The following PVT1 variants were observed in gnomAD, a reference collection of about 807,000 sequenced individuals.
PVT1 encodes Pvt1 oncogene, also known as CXCR4/PVT1 fusion.
rs534061641 is a variant in PVT1 at position 127,958,482 on chromosome 8, G to A, written n.783-30680G>A. ...CTCGAACTCCTGAGCTCAGGCATCCGCCTGCTTTGGCCTCCCAAAGTGCTG... is the reference window on the plus strand; with the variant it reads ...CTCGAACTCCTGAGCTCAGGCATCCACCTGCTTTGGCCTCCCAAAGTGCTG... On this transcript the variant is annotated intron_variant and non_coding_transcript_variant, in intron 3 of 10. Transcript: ENST00000651587. Among the ~76,000 whole-genome samples, 70 of 152,254 alleles carry A rather than the reference G, an allele frequency of 4.6e-4. 1 individual carries two copies. In the South Asian group the frequency reaches 7.5e-3, roughly 16 times the overall value.
intron 2 of PVT1, among the ~76,000 whole-genome samples, chr8:127,874,387 G>C (rs1815383080): frequency 1.3e-5 from 2 of 152,172 alleles, no homozygotes; most frequent in African/African-American, 4.8e-5. Flanking sequence ...AGCAGGTACA[G>C]AAGCCCAGAG....
At chr8:127,871,996 G>A (rs113282606) in intron 2 of PVT1, among the ~76,000 whole-genome samples, 22,765 of 152,224 alleles carry the variant, frequency 0.15, 2,025 homozygotes, top group East Asian at 0.26. Flanking sequence ...GGAGGCTGAG[G>A]CAGGAGAATC....
intron 2 of PVT1, among the ~76,000 whole-genome samples, chr8:127,862,623 A>G (rs1449011361): frequency 6.6e-6 from 1 of 151,990 alleles, no homozygotes; most frequent in African/African-American, 2.4e-5. Flanking sequence ...AGGTCTCACT[A>G]TGTTACCAGG....
intron 3 of PVT1, among the ~76,000 whole-genome samples, chr8:127,937,868 T>C (rs751020403): frequency 6.6e-6 from 1 of 152,206 alleles, no homozygotes; most frequent in Non-Finnish European, 1.5e-5. Flanking sequence ...GAAGACATTT[T>C]TTAGTCTCAC....
chr8:127,921,249 A>G (rs1005985442), intron 3 of PVT1, among the ~76,000 whole-genome samples: 1 of 152,170 alleles, frequency 6.6e-6, no homozygotes, highest in Non-Finnish European at 1.5e-5. Flanking sequence ...ATTGGGGAGC[A>G]CTAGCAGAAT....
At chr8:128,028,675 G>A (rs1183055096) in intron 4 of PVT1, among the ~76,000 whole-genome samples, 1 of 152,206 alleles carries the variant, frequency 6.6e-6, no homozygotes, top group Non-Finnish European at 1.5e-5. Context: ...ACAGTGAAGG[G>A]TGATGAATAC....
chr8:127,862,763 G>A (rs539440210), intron 2 of PVT1, among the ~76,000 whole-genome samples: 5 of 152,284 alleles, frequency 3.3e-5, no homozygotes, highest in African/African-American at 1.2e-4. Context: ...GCTTTTCTTT[G>A]ACTACTGGTG....
intron 2 of PVT1, among the ~76,000 whole-genome samples, chr8:127,858,197 C>A (rs541009067): frequency 6.6e-6 from 1 of 152,210 alleles, no homozygotes; most frequent in East Asian, 1.9e-4. Context: ...TTAAGACCAG[C>A]CGGTCCAACA....
At chr8:128,014,438 G>A (rs1259896087) in intron 4 of PVT1, among the ~76,000 whole-genome samples, 2 of 152,210 alleles carry the variant, frequency 1.3e-5, no homozygotes, top group Non-Finnish European at 2.9e-5. Flanking sequence ...GCTAGAAGCT[G>A]ACTAATTATG....
At position 127,908,964 on chromosome 8, in the gene PVT1, C is replaced by A. The variant is rs1027365667; in HGVS notation, n.782+17966C>A. On this transcript the variant is annotated intron_variant and non_coding_transcript_variant, in intron 3 of 10. Transcript: ENST00000651587. ...GTCTTCAAAGCCTGTTCTGACTTAC[C>A]CAGCAGAGTTGGTTGCTCTGTCCTC... 2.6e-5 allele frequency among the ~76,000 whole-genome samples: 4 copies of A among 152,288 alleles called. 1 individual carries two copies. The highest frequency in any genetic ancestry group is 6.5e-5 in the Admixed American group (1 of 15,292).
chr8:127,821,308 G>A (rs948169671), intron 2 of PVT1, among the ~76,000 whole-genome samples: 1 of 151,942 alleles, frequency 6.6e-6, no homozygotes, highest in African/African-American at 2.4e-5. Context: ...CGAAATGTGC[G>A]AAAATTCAAA....
chr8:127,802,553 A>G (rs1392436550), intron 2 of PVT1, among the ~76,000 whole-genome samples: 2 of 151,548 alleles, frequency 1.3e-5, no homozygotes, highest in East Asian at 1.9e-4. Flanking sequence ...TGTTAATTAC[A>G]TATTGAACTG....
At chr8:127,845,313 G>A (rs1815019732) in intron 2 of PVT1, among the ~76,000 whole-genome samples, 1 of 152,076 alleles carries the variant, frequency 6.6e-6, no homozygotes, top group Non-Finnish European at 1.5e-5. Context: ...GATTATTGTT[G>A]CATGAATGGC....
chr8:127,960,064 A>T (rs938502880), intron 3 of PVT1, among the ~76,000 whole-genome samples: 1 of 152,176 alleles, frequency 6.6e-6, no homozygotes, highest in African/African-American at 2.4e-5. Context: ...CCAGGATGAC[A>T]TGATTTCTGG....
chr8:127,933,549 C>T (rs1383014481), intron 3 of PVT1, among the ~76,000 whole-genome samples: 2 of 152,128 alleles, frequency 1.3e-5, no homozygotes, highest in African/African-American at 2.4e-5. Flanking sequence ...AGACCCTGTG[C>T]GTGAGATGTG....
intron 3 of PVT1, among the ~76,000 whole-genome samples, chr8:127,909,669 G>C (rs973137828): frequency 6.6e-6 from 1 of 152,148 alleles, no homozygotes; most frequent in African/African-American, 2.4e-5. Flanking sequence ...GTCATGGGAG[G>C]TTAGTGCTGT....
chr8:127,961,867 C>T (rs1411625810), intron 3 of PVT1, among the ~76,000 whole-genome samples: 1 of 152,228 alleles, frequency 6.6e-6, no homozygotes, highest in Non-Finnish European at 1.5e-5. Context: ...TGGTTTCTGG[C>T]TTCAACAATG....
In PVT1 at chr8:127,997,044, G is replaced by GTTTTTTTTTTTTTTTTTTTTTTTTTTTT. The variant is rs1293036762; in HGVS notation, n.912+7765_912+7766insTTTTTTTTTTTTTTTTTTTTTTTTTTTT. Among the ~76,000 whole-genome samples the GTTTTTTTTTTTTTTTTTTTTTTTTTTTT allele has an allele frequency of 4.9e-5, 4 of 81,594 alleles. 1 individual carries two copies. The highest frequency in any genetic ancestry group is 5.0e-5 in the African/African-American group (1 of 19,862). The allele number at this position is 81,594 out of a possible 152,430, so 53.5% of individuals were successfully genotyped here. ...GAACATTCACTGGTCATTTGCTTTC[G>GTTTTTTTTTTTTTTTTTTTTTTTTTTTT]TTTTTTTTTTTTGTTTGTTTGTTTT... On this transcript the variant is annotated intron_variant and non_coding_transcript_variant, in intron 4 of 10. Transcript: ENST00000651587.
intron 2 of PVT1, among the ~76,000 whole-genome samples, chr8:127,845,333 G>A (rs913206255): frequency 1.2e-4 from 19 of 152,264 alleles, no homozygotes; most frequent in African/African-American, 4.1e-4. Flanking sequence ...CCTAAATGAA[G>A]AGTGTTTTCT....
Sources: allele counts gnomAD v4.1 joint callset (sites outside exome capture counted in the v4.1 genomes callset), GRCh38; gene constraint gnomAD v4.1.1; transcripts MANE v1.5; gene names NCBI Gene and HGNC (gene_info 2026-07-23, HGNC 2026-07-21).